ANO3: variants seen among roughly 807,000 people sequenced by gnomAD.
ANO3 encodes anoctamin 3, also known as anoctamin-3.
Under a neutral mutation model 144.8 loss-of-function variants are expected in ANO3, and 99 were observed. The ratio of observed to expected loss-of-function variants is 0.68; its 90% CI spans 0.58 to 0.81. The LOEUF (loss-of-function observed/expected upper bound fraction) is 0.81, where lower values mean the gene tolerates loss of function less well. Ranked by LOEUF, ANO3 falls within the 30% of genes least tolerant of loss-of-function variation. The pLI is 0.00. For missense variants in ANO3, 905 were observed against 1,202.2 expected, an observed-to-expected ratio of 0.75 and a Z score of 3.66; for synonymous variants, 414 against 392.6, an observed-to-expected ratio of 1.05 and a Z score of -0.64.
intron 1 of ANO3, among the ~76,000 whole-genome samples, chr11:26,268,892 G>A (rs1011162975): frequency 4.6e-5 from 7 of 152,218 alleles, no homozygotes; most frequent in African/African-American, 1.4e-4. Flanking sequence ...AACAGACATC[G>A]TGACCTGCTG....
intron 1 of ANO3, among the ~76,000 whole-genome samples, chr11:26,441,113 T>G (rs927156148): frequency 2.8e-5 from 3 of 106,214 alleles, no homozygotes; most frequent in Non-Finnish European, 6.1e-5. Flanking sequence ...CCAGTTTTTT[T>G]TTTTTTTTTT....
At chr11:26,642,195 G>T (rs1225171774) in intron 22 of ANO3, among the ~76,000 whole-genome samples, 166 bp downstream of exon 22, 2 of 152,072 alleles carry the variant, frequency 1.3e-5, no homozygotes, top group Non-Finnish European at 2.9e-5. Context: ...CTAACTCTTG[G>T]CAGATTCACA....
chr11:26,494,737 T>C (rs1315820927), intron 4 of ANO3, among the ~76,000 whole-genome samples: 2 of 152,140 alleles, frequency 1.3e-5, no homozygotes, highest in Non-Finnish European at 2.9e-5. Context: ...ACGGAAGGGA[T>C]TTTAAGCTAC....
At chr11:26,584,545 T>A (rs1851224504) in intron 14 of ANO3, among the ~76,000 whole-genome samples, 1 of 152,184 alleles carries the variant, frequency 6.6e-6, no homozygotes, top group Non-Finnish European at 1.5e-5. Flanking sequence ...TATTCAAAAA[T>A]TCAGTTCAAT....
chr11:26,485,462 C>CT (rs1565053995), intron 4 of ANO3, among the ~76,000 whole-genome samples: 1 of 152,172 alleles, frequency 6.6e-6, no homozygotes, highest in Non-Finnish European at 1.5e-5. Flanking sequence ...TTCTCCATGA[C>CT]TGTTAAGATT....
At chr11:26,370,217 T>C (rs900310234) in intron 1 of ANO3, among the ~76,000 whole-genome samples, 1 of 152,162 alleles carries the variant, frequency 6.6e-6, no homozygotes, top group Non-Finnish European at 1.5e-5. Flanking sequence ...ATTCTCCTGA[T>C]AGTAAGTTTT....
chr11:26,462,105 G>T (rs1859416215), intron 3 of ANO3, among the ~76,000 whole-genome samples: 1 of 151,832 alleles, frequency 6.6e-6, no homozygotes, highest in South Asian at 2.1e-4. Flanking sequence ...TATTTATAAA[G>T]GAATGGATAT....
At chr11:26,653,562 C>T (rs1392300449) in intron 24 of ANO3, among the ~76,000 whole-genome samples, 1 of 152,110 alleles carries the variant, frequency 6.6e-6, no homozygotes, top group Admixed American at 6.5e-5. Flanking sequence ...CTCTAAGAGC[C>T]AAAATCCTCC....
At position 26,656,238 on chromosome 11, in the gene ANO3, T is replaced by C. The variant is rs377256038; in HGVS notation, c.2657+33T>C. 2.5e-6 allele frequency: 4 copies of C among 1,582,782 alleles called. No individual in the cohort carries two copies. The African/African-American group carries it at 5.4e-5, about 21-fold the overall frequency. ...TAATAGTTATCTTTCCTGCTTGCTT[T>C]CACCATTCCAAGTACTCCCCCCTGC... On this transcript the variant is annotated intron_variant, in intron 25 of 26. Coordinates refer to ENST00000256737, the MANE Select transcript of ANO3 (RefSeq NM_031418.4).
At chr11:26,296,447 T>G (rs10501043) in intron 1 of ANO3, among the ~76,000 whole-genome samples, 13,121 of 152,222 alleles carry the variant, frequency 0.086, 1,195 homozygotes, top group African/African-American at 0.23. Context: ...CATGTCTCTC[T>G]TTTACCAGCC....
intron 14 of ANO3, among the ~76,000 whole-genome samples, chr11:26,564,732 CATATATATATATATATATATAT>C (rs66510170): frequency 2.4e-3 from 62 of 25,406 alleles, no homozygotes; most frequent in Admixed American, 6.9e-3. Flanking sequence ...CACACACACA[CATATATATATATATATATATAT>C]ATATATATAT....
chr11:26,213,814 T>C (rs187221030), intron 1 of ANO3, among the ~76,000 whole-genome samples: 72 of 152,082 alleles, frequency 4.7e-4, no homozygotes, highest in Admixed American at 1.6e-3. Context: ...AGTTAAATGA[T>C]ATATTTTGAT....
At chr11:26,209,549 GA>G (rs1851887999) in intron 1 of ANO3, among the ~76,000 whole-genome samples, 1 of 151,912 alleles carries the variant, frequency 6.6e-6, no homozygotes. Context: ...TCTGGTTCTA[GA>G]TCCTTCAGGA....
In ANO3 at chr11:26,531,307, T is replaced by A. The variant is rs1315314615; in HGVS notation, c.840T>A (p.Thr280=). ...FPDLEESDCY[T]GPFSRARIHH... is the part of the protein sequence containing the mutation. ...ACCTAGAGGAGTCAGACTGCTATAC[T>A]GGCCCCTTCAGCCGTGCACGGATTC... The change falls in exon 8 of 27, where the codon ACT becomes ACA. Residue 280 remains threonine, a synonymous_variant. Coordinates refer to ENST00000256737, the MANE Select transcript of ANO3 (RefSeq NM_031418.4). 1 of 1,613,648 alleles carries A rather than the reference T, an allele frequency of 6.2e-7. No homozygotes were observed. Among genetic ancestry groups the A allele is most frequent in the East Asian group, 2.2e-5 (1 of 44,844 alleles).
intron 14 of ANO3, among the ~76,000 whole-genome samples, chr11:26,566,085 A>T (rs1850571200): frequency 6.6e-6 from 1 of 151,896 alleles, no homozygotes; most frequent in Non-Finnish European, 1.5e-5. Flanking sequence ...CTTTCCACGT[A>T]ATCTTTCTTC....
chr11:26,405,964 T>C (rs565426259), intron 1 of ANO3, among the ~76,000 whole-genome samples: 45 of 151,984 alleles, frequency 3.0e-4, no homozygotes, highest in African/African-American at 1.0e-3. Context: ...TTTCCAGTGG[T>C]ATTTTTACAT....
intron 1 of ANO3, among the ~76,000 whole-genome samples, chr11:26,298,757 G>A (rs1226908686): frequency 6.6e-6 from 1 of 152,158 alleles, no homozygotes; most frequent in East Asian, 1.9e-4. Flanking sequence ...AGTGGAGATG[G>A]GGAGAAGTCA....
intron 14 of ANO3, among the ~76,000 whole-genome samples, chr11:26,595,456 A>AGTT (rs768407492): frequency 3.8e-5 from 3 of 78,040 alleles, no homozygotes; most frequent in South Asian, 4.2e-4. Flanking sequence ...ATTGAGATAG[A>AGTT]GTTGTTTTTT....
chr11:26,449,701 T>C (rs1858849809), intron 3 of ANO3, among the ~76,000 whole-genome samples: 1 of 152,170 alleles, frequency 6.6e-6, no homozygotes. Context: ...TAGACCTCTA[T>C]ATAGAGTATT....
Sources: gnomAD v4.1 joint callset for allele counts (sites outside exome capture counted in the v4.1 genomes callset) on GRCh38, gnomAD v4.1.1 for gene constraint, MANE v1.5 for transcripts, NCBI Gene and HGNC (gene_info 2026-07-23, HGNC 2026-07-21) for gene names.